Variants in VIPAS39 observed in about 807,000 individuals in gnomAD.
The protein encoded by VIPAS39 is spermatogenesis-defective protein 39 homolog.
Under a neutral mutation model 84.7 loss-of-function variants are expected in VIPAS39, and 63 were observed. That is an observed-to-expected ratio of 0.74 (90% CI 0.61 to 0.92). The LOEUF is 0.92. Ranked by LOEUF, VIPAS39 falls within the 40% of genes least tolerant of loss-of-function variation. VIPAS39 has a pLI of 0.00. For synonymous variants in VIPAS39, 192 were observed against 216.5 expected (o/e 0.89, Z 0.99); for missense variants, 499 against 604.5 (o/e 0.83, Z 1.83).
chr14:77,429,154 C>G, intron 17 of VIPAS39, 59 bp from the exon 18 acceptor site: 1 of 1,510,764 alleles, frequency 6.6e-7, no homozygotes, highest in Non-Finnish European at 9.2e-7. Flanking sequence ...CAGAGCTCTA[C>G]AAGGTAGAAA....
intron 10 of VIPAS39, 39 bp from the exon 11 acceptor site, chr14:77,441,132 T>C: frequency 2.5e-6 from 4 of 1,612,106 alleles, no homozygotes; most frequent in Non-Finnish European, 1.7e-6. Flanking sequence ...TTTGTATCTA[T>C]TGATGTGTGG....
chr14:77,428,273 C>A, intron 19 of VIPAS39, 97 bp downstream of exon 19: 4 of 1,132,852 alleles, frequency 3.5e-6, no homozygotes, highest in Non-Finnish European at 5.2e-6. Context: ...GCTTAGCCAA[C>A]TGCAATCCTT....
chr14:77,457,577 C>T lies in VIPAS39; in HGVS notation c.-83G>A, dbSNP rs2078982933. 1 of 591,838 alleles carries T rather than the reference C, an allele frequency of 1.7e-6. No homozygotes were observed. The highest frequency in any genetic ancestry group is 3.1e-5 in the Admixed American group (1 of 32,260). 36.7% of individuals were successfully genotyped at this position (591,838 alleles called of 1,614,324 possible). A position where few individuals can be genotyped will look rare whatever the true frequency, so the allele number is the denominator to read the frequency against. On this transcript the variant is annotated 5_prime_UTR_variant, in exon 1 of 20. Transcript: ENST00000557658. ...CAGCCCTTCTATTCAGGCTGTGCAG[C>T]TTAGAGAAGGGGGCGGAAGGGAATA...
chr14:77,444,360 A>G lies in VIPAS39; in HGVS notation c.505-19T>C. On this transcript the variant is annotated intron_variant, in intron 7 of 19. Transcript: ENST00000557658. ...AGCAAACCTGGCAGAATAACACTAG[A>G]ATTAGTACACAAGAAGACAGTTTTC... is the stretch of plus-strand genomic sequence containing the variant. The G allele has an allele frequency of 6.2e-7, 1 of 1,600,988 alleles. No homozygotes were observed. Among genetic ancestry groups the G allele is most frequent in the South Asian group, 1.1e-5 (1 of 90,816 alleles).
In VIPAS39 at chr14:77,450,331, G is replaced by A. The variant is rs192243185; in HGVS notation, c.344-579C>T. Among the ~76,000 whole-genome samples, 18 of 152,222 alleles carry A rather than the reference G, an allele frequency of 1.2e-4. No homozygotes were observed. In the South Asian group the frequency reaches 2.7e-3, roughly 23 times the overall value. Reference sequence around the variant, plus strand: ...CTTCTTTAATGCTGAGTAACATTCCGCTGCATGTATATGGCACATTTTGTT... The same window carrying A: ...CTTCTTTAATGCTGAGTAACATTCCACTGCATGTATATGGCACATTTTGTT... On this transcript the variant is annotated intron_variant, in intron 4 of 19. Coordinates refer to ENST00000557658, the MANE Select transcript of VIPAS39 (RefSeq NM_001193315.2).
At position 77,444,302 on chromosome 14, in the gene VIPAS39, G is replaced by C; in HGVS notation, c.544C>G (p.Leu182Val). The C allele has an allele frequency of 1.9e-6, 3 of 1,613,872 alleles. No homozygotes were observed. The highest frequency in any genetic ancestry group is 1.7e-6 in the Non-Finnish European group (2 of 1,179,820). The change falls in exon 8 of 20, where the codon CTA (leucine) becomes GTA (valine). Residue 182 changes from leucine to valine, a missense_variant. Transcript: ENST00000557658. Reference protein sequence around the residue: ...LERFRSLQDKLQLLEEAVSMH... With the variant: ...LERFRSLQDKVQLLEEAVSMH... ...CTTACTGCCTCTTCTAGGAGTTGTA[G>C]TTTGTCCTGTAAGGAGCGGAATCTC...
At chr14:77,442,959 G>C (rs1011856392) in intron 9 of VIPAS39, among the ~76,000 whole-genome samples, 160 bp downstream of exon 9, 1 of 152,070 alleles carries the variant, frequency 6.6e-6, no homozygotes, top group South Asian at 2.1e-4. Flanking sequence ...CCTAAAGGAC[G>C]CCCTCAGAGA....
intron 14 of VIPAS39, 144 bp downstream of exon 14, chr14:77,435,115 C>A (rs759017426): frequency 1.5e-6 from 2 of 1,326,980 alleles, no homozygotes; most frequent in Non-Finnish European, 2.1e-6. Flanking sequence ...CCTCTTACCC[C>A]TGGTGAGGGC....
intron 15 of VIPAS39, 45 bp from the exon 16 acceptor site, chr14:77,433,976 ATC>A: frequency 6.4e-7 from 1 of 1,566,976 alleles, no homozygotes; most frequent in Non-Finnish European, 8.8e-7. Context: ...GTAGAAATAC[ATC>A]AATGGGGGTG....
intron 9 of VIPAS39, 120 bp downstream of exon 9, chr14:77,442,998 AC>A (rs2078726654): frequency 7.3e-7 from 1 of 1,362,806 alleles, no homozygotes. Flanking sequence ...GTCTCAGGCC[AC>A]CCCACTTGTC....
intron 7 of VIPAS39, among the ~76,000 whole-genome samples, chr14:77,447,662 T>C (rs2078813486): frequency 6.6e-6 from 1 of 152,192 alleles, no homozygotes; most frequent in African/African-American, 2.4e-5. Context: ...GTTCTCACTC[T>C]CTTTTTTTGG....
At chr14:77,456,108 T>C (rs992096433) in intron 1 of VIPAS39, among the ~76,000 whole-genome samples, 5 of 152,356 alleles carry the variant, frequency 3.3e-5, no homozygotes, top group East Asian at 3.9e-4. Flanking sequence ...AAATACTAAA[T>C]GTTATTTCCT....
rs1218294783 is a variant in VIPAS39 at position 77,444,290 on chromosome 14, C to T, written c.556G>A (p.Glu186Lys). ...CCATCATGCATGCTTACTGCCTCTT[C>T]TAGGAGTTGTAGTTTGTCCTGTAAG... ...RSLQDKLQLLEEAVSMHDGNV... is the reference protein window; with the variant it reads ...RSLQDKLQLLKEAVSMHDGNV... Residue 186 changes from glutamate to lysine, a missense_variant, in exon 8 of 20, where the codon GAA (glutamate) becomes AAA (lysine). Glu to Lys is a moderately conservative substitution (Grantham distance 56). Coordinates refer to ENST00000557658, the MANE Select transcript of VIPAS39 (RefSeq NM_001193315.2). 6.2e-7 allele frequency: 1 copy of T among 1,613,860 alleles called. No homozygotes were observed. The highest frequency in any genetic ancestry group is 1.7e-5 in the Admixed American group (1 of 60,020).
chr14:77,444,266 C>T lies in VIPAS39; in HGVS notation c.580G>A (p.Gly194Arg). 2.5e-6 allele frequency: 4 copies of T among 1,613,720 alleles called. No homozygotes were observed. Among genetic ancestry groups the T allele is most frequent in the Non-Finnish European group, 3.4e-6 (4 of 1,179,712 alleles). ...LLEEAVSMHD[G>R]NVITAVLIFL... The stretch of plus-strand genomic sequence containing the variant: ...CAACTCACTGCAGTAATGACGTTTC[C>T]ATCATGCATGCTTACTGCCTCTTCT... Residue 194 changes from glycine to arginine, a missense_variant, in exon 8 of 20, where the codon GGA becomes AGA. Coordinates refer to ENST00000557658, the MANE Select transcript of VIPAS39 (RefSeq NM_001193315.2).
At position 77,437,841 on chromosome 14, in the gene VIPAS39, T is replaced by A; in HGVS notation, c.803A>T (p.Asp268Val). 1 of 1,614,172 alleles carries A rather than the reference T, an allele frequency of 6.2e-7. No individual in the cohort carries two copies. Among genetic ancestry groups the A allele is most frequent in the Non-Finnish European group, 8.5e-7 (1 of 1,180,030 alleles). The stretch of plus-strand genomic sequence containing the variant: ...GGTTTTAAGAAATTCTTTTCGTTTG[T>A]CAGGGTCCTGAATGTTCAAATGCTC... ...YREHLNIQDPDKRKEFLKTCV... is the reference protein window; with the variant it reads ...YREHLNIQDPVKRKEFLKTCV... Residue 268 changes from aspartate to valine, a missense_variant, in exon 12 of 20, where the codon GAC (aspartate) becomes GTC (valine). Physicochemically the swap from Asp to Val is radical, Grantham distance 152 (BLOSUM62 -3). Coordinates refer to ENST00000557658, the MANE Select transcript of VIPAS39 (RefSeq NM_001193315.2).
chr14:77,449,836 C>A, intron 4 of VIPAS39, 84 bp from the exon 5 acceptor site: 1 of 1,466,484 alleles, frequency 6.8e-7, no homozygotes, highest in Non-Finnish European at 9.6e-7. Flanking sequence ...AATGTGTAAC[C>A]AACTCAATAA....
chr14:77,455,585 C>T (rs963121631), intron 1 of VIPAS39, among the ~76,000 whole-genome samples: 3 of 152,208 alleles, frequency 2.0e-5, no homozygotes, highest in Admixed American at 6.5e-5. Context: ...AAAACTCCCA[C>T]AGCACCAAAA....
chr14:77,446,750 T>C (rs1490760412), intron 7 of VIPAS39, among the ~76,000 whole-genome samples: 1 of 152,080 alleles, frequency 6.6e-6, no homozygotes, highest in African/African-American at 2.4e-5. Context: ...GGATAAATAA[T>C]CCAATGAACT....
chr14:77,436,454 G>A (rs1461241336), intron 12 of VIPAS39, among the ~76,000 whole-genome samples: 3 of 152,074 alleles, frequency 2.0e-5, no homozygotes, highest in African/African-American at 7.2e-5. Flanking sequence ...TTGTTTGTCT[G>A]CTTGTTTTGA....
Sources: allele counts gnomAD v4.1 joint callset (sites outside exome capture counted in the v4.1 genomes callset), GRCh38; gene constraint gnomAD v4.1.1; transcripts MANE v1.5; gene names NCBI Gene and HGNC (gene_info 2026-07-23, HGNC 2026-07-21).